Variants in CASR observed in about 807,000 individuals in gnomAD.
CASR encodes the protein extracellular calcium-sensing receptor.
A neutral mutation model predicts 69.1 loss-of-function variants in CASR; 23 were observed. That is an observed-to-expected ratio of 0.33 (90% CI 0.24 to 0.47). CASR has a LOEUF of 0.47. CASR is among the 20% of genes least tolerant of loss of function. The pLI is 1.00. For missense variants in CASR, 924 were observed against 1,356.1 expected, an observed-to-expected ratio of 0.68 and a Z score of 5.00; for synonymous variants, 541 against 544.7, an observed-to-expected ratio of 0.99 and a Z score of 0.10.
At chr3:122,246,821 G>C (rs2074432766) in intron 1 of CASR, 1 of 152,172 alleles carries the variant, frequency 6.6e-6, no homozygotes, top group South Asian at 2.1e-4. Context: ...GTGAGGTCAG[G>C]AGAGTTGCAA....
intron 4 of CASR, among the ~76,000 whole-genome samples, chr3:122,266,588 T>G (rs191667503): frequency 2.6e-5 from 4 of 152,280 alleles, no homozygotes; most frequent in Non-Finnish European, 5.9e-5. Context: ...TTCCCCTTCG[T>G]TTATTCTTTT....
chr3:122,208,832 C>G (rs2074033921), intron 1 of CASR, among the ~76,000 whole-genome samples: 1 of 152,054 alleles, frequency 6.6e-6, no homozygotes, highest in Non-Finnish European at 1.5e-5. Flanking sequence ...AAAGAGTGAA[C>G]CTGAAGTTTA....
At chr3:122,222,650 G>C (rs191790185) in intron 1 of CASR, among the ~76,000 whole-genome samples, 2 of 152,240 alleles carry the variant, frequency 1.3e-5, no homozygotes, top group African/African-American at 4.8e-5. Flanking sequence ...GACAGGATTA[G>C]ACAGATCATC....
chr3:122,262,255 C>G lies in CASR; in HGVS notation c.1220C>G (p.Pro407Arg). 1.2e-6 allele frequency: 2 copies of G among 1,614,168 alleles called. No homozygotes were observed. The highest frequency in any genetic ancestry group is 1.7e-6 in the Non-Finnish European group (2 of 1,180,006). ...GAGAACATCAGCAGTGTCGAGACCC[C>G]TTACATAGATTACACGCATTTACGG... The part of the protein sequence containing the change: ...GDENISSVET[P>R]YIDYTHLRIS... The change falls in exon 4 of 7, where the codon CCT becomes CGT. Residue 407 changes from proline (P) to arginine (R), a missense_variant. Coordinates refer to ENST00000639785, the MANE Select transcript of CASR (RefSeq NM_000388.4).
intron 3 of CASR, among the ~76,000 whole-genome samples, chr3:122,258,455 G>T (rs1012085090): frequency 1.3e-5 from 2 of 150,990 alleles, no homozygotes; most frequent in African/African-American, 4.9e-5. Context: ...TTACTTCAGG[G>T]AATTAAAGGT....
At chr3:122,228,106 C>A (rs2074243628) in intron 1 of CASR, among the ~76,000 whole-genome samples, 1 of 152,182 alleles carries the variant, frequency 6.6e-6, no homozygotes, top group African/African-American at 2.4e-5. Context: ...CCAGCTGAAG[C>A]TTTGCCAGTT....
In CASR at chr3:122,187,836, A is replaced by G. The variant is rs78335603; in HGVS notation, c.-243+4024A>G. ...AGGAGCTGAAGCATAAGGAGCCAAGAGGTAGGGAGGCTAGCAAAGTGGCTA... is the reference window on the plus strand; with the variant it reads ...AGGAGCTGAAGCATAAGGAGCCAAGGGGTAGGGAGGCTAGCAAAGTGGCTA... On this transcript the variant is annotated intron_variant, in intron 1 of 6. Transcript: ENST00000639785. Among the ~76,000 whole-genome samples, 108 of 152,344 alleles carry G rather than the reference A, an allele frequency of 7.1e-4. 1 individual carries two copies. The highest frequency in any genetic ancestry group is 3.4e-3 in the Middle Eastern group (1 of 294).
At chr3:122,277,253 G>A (rs1295846475) in intron 5 of CASR, among the ~76,000 whole-genome samples, 1 of 151,970 alleles carries the variant, frequency 6.6e-6, no homozygotes, top group Non-Finnish European at 1.5e-5. Context: ...CACCATGTTG[G>A]CCAGGCTGGT....
At chr3:122,275,703 C>G in intron 4 of CASR, 109 bp from the exon 5 acceptor site, 1 of 791,956 alleles carries the variant, frequency 1.3e-6, no homozygotes, top group Non-Finnish European at 2.3e-6. Context: ...CACGTTCCTC[C>G]CACTTTGTTG....
At chr3:122,269,854 T>TGTTTC (rs1277396554) in intron 4 of CASR, among the ~76,000 whole-genome samples, 1 of 152,048 alleles carries the variant, frequency 6.6e-6, no homozygotes, top group African/African-American at 2.4e-5. Flanking sequence ...TGTTTTGTTT[T>TGTTTC]GTTTTGAGAT....
At chr3:122,269,491 A>G (rs893093784) in intron 4 of CASR, among the ~76,000 whole-genome samples, 9 of 152,156 alleles carry the variant, frequency 5.9e-5, no homozygotes, top group Non-Finnish European at 1.5e-5. Flanking sequence ...TTTCTTTTGT[A>G]GTATGTTATT....
At position 122,253,993 on chromosome 3, in the gene CASR, A is replaced by T; in HGVS notation, c.-197A>T. 4.7e-6 allele frequency: 3 copies of T among 643,856 alleles called. No individual in the cohort carries two copies. The highest frequency in any genetic ancestry group is 1.8e-5 in the African/African-American group (1 of 55,182). 39.9% of individuals were successfully genotyped at this position (643,856 alleles called of 1,614,324 possible). A position where few individuals can be genotyped will look rare whatever the true frequency, so the allele number is the denominator to read the frequency against. ...TGCATGATGTGGCTTCCAAAGACTCAAGGACCACCCACATTACAAGTCTGG... is the reference window on the plus strand; with the variant it reads ...TGCATGATGTGGCTTCCAAAGACTCTAGGACCACCCACATTACAAGTCTGG... On this transcript the variant is annotated 5_prime_UTR_variant, in exon 2 of 7. Transcript: ENST00000639785.
intron 1 of CASR, among the ~76,000 whole-genome samples, chr3:122,187,576 C>T (rs552883556): frequency 3.9e-5 from 6 of 152,056 alleles, no homozygotes; most frequent in African/African-American, 1.2e-4. Context: ...AATCAGGGTA[C>T]GTTCATGTAT....
At chr3:122,198,418 G>A (rs2073910526) in intron 1 of CASR, among the ~76,000 whole-genome samples, 1 of 152,144 alleles carries the variant, frequency 6.6e-6, no homozygotes, top group South Asian at 2.1e-4. Flanking sequence ...TTATGTTTTT[G>A]TGATAATATG....
chr3:122,233,159 T>C (rs1331340610), intron 1 of CASR, among the ~76,000 whole-genome samples: 1 of 152,216 alleles, frequency 6.6e-6, no homozygotes, highest in East Asian at 1.9e-4. Flanking sequence ...TCTGACAGCA[T>C]GCAAAGCTCC....
intron 1 of CASR, among the ~76,000 whole-genome samples, chr3:122,224,958 A>G (rs918367900): frequency 2.0e-5 from 3 of 152,130 alleles, no homozygotes; most frequent in African/African-American, 7.2e-5. Flanking sequence ...TCCCCATATG[A>G]TCATCTCAGA....
In CASR at chr3:122,285,001, T is replaced by A; in HGVS notation, c.3047T>A (p.Leu1016Gln). The A allele has an allele frequency of 6.2e-7, 1 of 1,614,182 alleles. No individual in the cohort carries two copies. Among genetic ancestry groups the A allele is most frequent in the African/African-American group, 1.3e-5 (1 of 75,058 alleles). Residue 1016 changes from leucine (L) to glutamine (Q), a missense_variant, in exon 7 of 7, where the codon CTG becomes CAG. Around this residue, in one of 8 missense-constraint regions of CASR, gnomAD observed 201 missense variants for 228.8 expected, o/e 0.88. Coordinates refer to ENST00000639785, the MANE Select transcript of CASR (RefSeq NM_000388.4). ...ACCCGACACGAGCCATTACTCCCGCTGCAGTGCGGGGAAACGGACTTAGAT... is the reference window on the plus strand; with the variant it reads ...ACCCGACACGAGCCATTACTCCCGCAGCAGTGCGGGGAAACGGACTTAGAT... ...TLTRHEPLLP[L>Q]QCGETDLDLT...
intron 1 of CASR, among the ~76,000 whole-genome samples, chr3:122,227,442 G>A (rs554714712): frequency 5.3e-5 from 8 of 152,312 alleles, no homozygotes; most frequent in Admixed American, 1.3e-4. Context: ...CTCACTGCCC[G>A]GGGCTTGCGG....
In CASR at chr3:122,286,709, A is replaced by G. The variant is rs753179356; in HGVS notation, c.*1518A>G. On this transcript the variant is annotated 3_prime_UTR_variant, in exon 7 of 7. Coordinates refer to ENST00000639785, the MANE Select transcript of CASR (RefSeq NM_000388.4). ...GCTGGTCAGCCCCTCAGGTGGCCCA[A>G]TGCCCTGTCTCCGCAGTGTCAGGGC... 6.6e-6 allele frequency: 1 copy of G among 152,266 alleles called. No homozygotes were observed. Among genetic ancestry groups the G allele is most frequent in the Non-Finnish European group, 1.5e-5 (1 of 68,096 alleles). 9.4% of individuals were successfully genotyped at this position (152,266 alleles called of 1,614,324 possible). A position where few individuals can be genotyped will look rare whatever the true frequency, so the allele number is the denominator to read the frequency against.
Sources: allele counts gnomAD v4.1 joint callset (sites outside exome capture counted in the v4.1 genomes callset), GRCh38; gene constraint gnomAD v4.1.1; regional missense constraint gnomAD v4.1.1; transcripts MANE v1.5; gene names NCBI Gene and HGNC (gene_info 2026-07-23, HGNC 2026-07-21).